The following NF1 variants were observed in gnomAD, a reference collection of about 807,000 sequenced individuals.
NF1 encodes neurofibromin.
Under a neutral mutation model 325.7 loss-of-function variants are expected in NF1, and 122 were observed. The ratio of observed to expected loss-of-function variants is 0.37; its 90% CI spans 0.32 to 0.44. The LOEUF is 0.44. Ranked by LOEUF, NF1 falls within the 20% of genes least tolerant of loss-of-function variation. NF1 has a pLI of 1.00. For synonymous variants in NF1, 1,091 were observed against 1,186.0 expected, an observed-to-expected ratio of 0.92 and a Z score of 1.65; for missense variants, 2,140 against 3,415.4, an observed-to-expected ratio of 0.63 and a Z score of 9.31.
chr17:31,255,048 A>G (rs962508707), intron 31 of NF1, among the ~76,000 whole-genome samples: 1 of 152,208 alleles, frequency 6.6e-6, no homozygotes, highest in Non-Finnish European at 1.5e-5. Flanking sequence ...CTTCTAGTAT[A>G]TAGCTGTGTA....
intron 36 of NF1, among the ~76,000 whole-genome samples, chr17:31,298,443 G>A (rs1184479391): frequency 1.3e-5 from 2 of 151,964 alleles, no homozygotes; most frequent in Non-Finnish European, 2.9e-5. Context: ...TTACTAAATC[G>A]TTTGTTTTTC....
At chr17:31,137,315 GTAATA>G (rs1915852378) in intron 1 of NF1, 2 of 152,164 alleles carry the variant, frequency 1.3e-5, no homozygotes, top group African/African-American at 4.8e-5. Context: ...TTAGATGTAT[GTAATA>G]TTGTTTGAGG....
At chr17:31,129,320 T>A (rs1422829022) in intron 1 of NF1, among the ~76,000 whole-genome samples, 1 of 152,088 alleles carries the variant, frequency 6.6e-6, no homozygotes, top group African/African-American at 2.4e-5. Flanking sequence ...TCTTGGGGGT[T>A]TTGTTTGTTC....
At chr17:31,231,065 G>A (rs1357898504) in intron 24 of NF1, 140 bp downstream of exon 24, 5 of 674,524 alleles carry the variant, frequency 7.4e-6, no homozygotes, top group Admixed American at 2.4e-5. Flanking sequence ...ATGTAAAGAT[G>A]CTAATCTTTA....
Position 31,179,129 on chromosome 17 carries a change from G to A in NF1, c.587-2293G>A, listed in dbSNP as rs545211898. 2.0e-4 allele frequency among the ~76,000 whole-genome samples: 30 copies of A among 152,238 alleles called. 2 individuals carry two copies. In the South Asian group the frequency reaches 5.6e-3, roughly 28 times the overall value. ...CATAATTGGAATACAACACTCCTCA[G>A]CAAATGCCAAAGAATGGAAATCATA... On this transcript the variant is annotated intron_variant, in intron 5 of 57. Coordinates refer to ENST00000358273, the MANE Select transcript of NF1 (RefSeq NM_001042492.3).
In NF1 at chr17:31,357,062, A is replaced by G. The variant is rs587781502; in HGVS notation, c.7841A>G (p.Lys2614Arg). The G allele has an allele frequency of 2.0e-5, 32 of 1,613,702 alleles. No individual in the cohort carries two copies. Among genetic ancestry groups the G allele is most frequent in the East Asian group, 4.5e-5 (2 of 44,880 alleles). ...LLDEEVLTDP[K>R]IQALLLTVLA... ...GATGAAGAAGTACTTACTGATCCGA[A>G]GATCCAGGCGCTGCTTCTTACTGTT... The change falls in exon 53 of 58, where the codon AAG becomes AGG. Residue 2614 changes from lysine to arginine, a missense_variant. Lys to Arg is a conservative substitution (Grantham distance 26, BLOSUM62 2). This residue lies in a region of NF1 where 522 missense variants were observed against 749.0 expected (regional missense o/e 0.70). Coordinates refer to ENST00000358273, the MANE Select transcript of NF1 (RefSeq NM_001042492.3).
Position 31,340,402 on chromosome 17 carries a change from G to A in NF1, c.6922-103G>A, listed in dbSNP as rs568059420. On this transcript the variant is annotated intron_variant, in intron 46 of 57. Transcript: ENST00000358273. ...ATCTTCCCCAAAAGAGAAAACATGG[G>A]TAATTTAGGAAGATAAGCTGCTTTA... The A allele has an allele frequency of 3.5e-5, 50 of 1,440,184 alleles. No homozygotes were observed. In the South Asian group the frequency reaches 5.3e-4, roughly 15 times the overall value. The allele number at this position is 1,440,184 out of a possible 1,614,324, so 89.2% of individuals were successfully genotyped here.
At chr17:31,340,446 T>C (rs1370723666) in intron 46 of NF1, 59 bp from the exon 47 acceptor site, 5 of 1,610,416 alleles carry the variant, frequency 3.1e-6, no homozygotes, top group African/African-American at 1.3e-5. Context: ...TGCAGTGTGT[T>C]TTGAAAGAGA....
chr17:31,309,987 G>T (rs1007184963), intron 36 of NF1, among the ~76,000 whole-genome samples: 8 of 152,156 alleles, frequency 5.3e-5, no homozygotes, highest in Non-Finnish European at 8.8e-5. Flanking sequence ...TGGCAATTCA[G>T]TGTAGTCCAG....
At chr17:31,214,238 AT>A (rs755709704) in intron 12 of NF1, among the ~76,000 whole-genome samples, 16 of 152,190 alleles carry the variant, frequency 1.1e-4, no homozygotes, top group African/African-American at 2.2e-4. Flanking sequence ...ATAAAAAAAA[AT>A]ATAAATGGTG....
In NF1 at chr17:31,282,051, C is replaced by A. The variant is rs11872044; in HGVS notation, c.4835+16712C>A. On this transcript the variant is annotated intron_variant, in intron 36 of 57. Coordinates refer to ENST00000358273, the MANE Select transcript of NF1 (RefSeq NM_001042492.3). ...CTCCAGCCTGGACAATGGAGAGAGA[C>A]CCTGTCTGGAAAAAAAAAAAAAAAT... 2.1e-3 allele frequency among the ~76,000 whole-genome samples: 311 copies of A among 150,742 alleles called. 2 individuals are homozygous for A. The highest frequency in any genetic ancestry group is 7.4e-3 in the African/African-American group (304 of 40,932).
At chr17:31,163,415 T>C (rs1301380411) in intron 4 of NF1, 39 bp downstream of exon 4, 2 of 1,589,686 alleles carry the variant, frequency 1.3e-6, no homozygotes, top group Non-Finnish European at 1.7e-6. Context: ...TGAAGTAATA[T>C]GAATATTAGA....
At chr17:31,249,252 T>C (rs2067453894) in intron 30 of NF1, 133 bp downstream of exon 30, 1 of 1,037,540 alleles carries the variant, frequency 9.6e-7, no homozygotes, top group South Asian at 1.3e-5. Context: ...GAATAATACA[T>C]TGAGAATTGT....
At chr17:31,125,684 G>C (rs1303399475) in intron 1 of NF1, among the ~76,000 whole-genome samples, 1 of 151,916 alleles carries the variant, frequency 6.6e-6, no homozygotes. Flanking sequence ...TTACAGGAGC[G>C]AGCACCATGC....
Position 31,305,453 on chromosome 17 carries a change from C to T in NF1, c.4836-20367C>T, listed in dbSNP as rs9903564. 2,325 of 1,614,116 alleles carry T rather than the reference C, an allele frequency of 1.4e-3. 40 individuals carry two copies. In the African/African-American group the frequency reaches 0.028, roughly 19 times the overall value. The stretch of plus-strand genomic sequence containing the variant: ...TGTGTTGGTTGACCCAAAGGATTCC[C>T]TGTTGTGTTTTGAGAATTAGCCAAT... On this transcript the variant is annotated intron_variant, in intron 36 of 57. Coordinates refer to ENST00000358273, the MANE Select transcript of NF1 (RefSeq NM_001042492.3).
chr17:31,190,053 C>T (rs542572617), intron 8 of NF1, among the ~76,000 whole-genome samples: 39 of 144,990 alleles, frequency 2.7e-4, no homozygotes, highest in African/African-American at 8.9e-4. Flanking sequence ...TGAGCCATTG[C>T]GCCTGGCTAA....
At chr17:31,355,180 A>G (rs2070241873) in intron 51 of NF1, among the ~76,000 whole-genome samples, 1 of 152,220 alleles carries the variant, frequency 6.6e-6, no homozygotes, top group South Asian at 2.1e-4. Flanking sequence ...TCTTCCAGGA[A>G]GAATGCAGAG....
rs150449286 is a variant in NF1 at position 31,286,917 on chromosome 17, G to A, written c.4835+21578G>A. ...TGAGGCAAGCATTTGACATTCATTC[G>A]AATTCCCTCAGCCTTCCAGAAGCAT... On this transcript the variant is annotated intron_variant, in intron 36 of 57. Transcript: ENST00000358273. Among the ~76,000 whole-genome samples, 418 of 152,264 alleles carry A rather than the reference G, an allele frequency of 2.7e-3. 2 individuals carry two copies. The highest frequency in any genetic ancestry group is 9.2e-3 in the African/African-American group (381 of 41,566).
chr17:31,375,042 C>A lies in NF1; in HGVS notation c.*887C>A. ...TATATATATATATTTTTTCCCCTCC[C>A]CCTCTTCTTTCCTAACTAATTCTGA... On this transcript the variant is annotated 3_prime_UTR_variant, in exon 58 of 58. Transcript: ENST00000358273. 1 of 208,380 alleles carries A rather than the reference C, an allele frequency of 4.8e-6. No homozygotes were observed. 12.9% of individuals were successfully genotyped at this position (208,380 alleles called of 1,614,324 possible).
Sources: allele counts gnomAD v4.1 joint callset (sites outside exome capture counted in the v4.1 genomes callset), GRCh38; gene constraint gnomAD v4.1.1; regional missense constraint gnomAD v4.1.1; transcripts MANE v1.5; gene names NCBI Gene and HGNC (gene_info 2026-07-23, HGNC 2026-07-21).